Variants in CNR2 observed in about 807,000 individuals in gnomAD.
CNR2 encodes cannabinoid receptor 2.
For synonymous variants in CNR2, 172 were observed against 182.2 expected (o/e 0.94, Z 0.45); for missense variants, 379 against 439.9 (o/e 0.86, Z 1.24).
rs533493884 is a variant in CNR2 at position 23,902,511 on chromosome 1, T to C, written c.-46+10735A>G. On this transcript the variant is annotated intron_variant, in intron 1 of 1. Transcript: ENST00000374472. Reference sequence around the variant, plus strand: ...ATCGATCTCATCACTGTACACGTACTTTAATAGGATCAGAAAGGCTGCGGG... The same window carrying C: ...ATCGATCTCATCACTGTACACGTACCTTAATAGGATCAGAAAGGCTGCGGG... 1.9e-6 allele frequency: 3 copies of C among 1,608,460 alleles called. No individual in the cohort carries two copies. In the South Asian group the frequency reaches 3.3e-5, roughly 18 times the overall value.
rs1431136764 is a variant in CNR2 at position 23,872,710 on chromosome 1, G to T, written c.*1825C>A. Reference sequence around the variant, plus strand: ...TTCTTATTAGGTTGTTGGGAAACATGAAGTGAAATAAGGCATTTAAAAACA... The same window carrying T: ...TTCTTATTAGGTTGTTGGGAAACATTAAGTGAAATAAGGCATTTAAAAACA... On this transcript the variant is annotated 3_prime_UTR_variant, in exon 2 of 2. Transcript: ENST00000374472. The T allele has an allele frequency of 6.6e-6, 1 of 152,170 alleles. No homozygotes were observed. The highest frequency in any genetic ancestry group is 1.5e-5 in the Non-Finnish European group (1 of 68,036). 9.4% of individuals were successfully genotyped at this position (152,170 alleles called of 1,614,324 possible).
At chr1:23,883,551 G>A (rs765478835) in intron 1 of CNR2, among the ~76,000 whole-genome samples, 3 of 152,214 alleles carry the variant, frequency 2.0e-5, no homozygotes, top group Non-Finnish European at 4.4e-5. Context: ...TAGGCCGGGC[G>A]TGGTAGCTCA....
At chr1:23,894,531 A>G (rs1032285644) in intron 1 of CNR2, among the ~76,000 whole-genome samples, 13 of 150,998 alleles carry the variant, frequency 8.6e-5, no homozygotes, top group South Asian at 2.1e-4. Flanking sequence ...GGCCAGGCAC[A>G]GTGGCTCACA....
At chr1:23,899,691 G>A (rs1285186543) in intron 1 of CNR2, among the ~76,000 whole-genome samples, 3 of 148,468 alleles carry the variant, frequency 2.0e-5, no homozygotes, top group Non-Finnish European at 4.4e-5. Context: ...GGTGCATGCT[G>A]TAATACCAGC....
chr1:23,903,177 C>T (rs1254050742), intron 1 of CNR2, among the ~76,000 whole-genome samples: 1 of 152,112 alleles, frequency 6.6e-6, no homozygotes, highest in African/African-American at 2.4e-5. Flanking sequence ...CTAGCGCAGC[C>T]GGGCCAGGCC....
intron 1 of CNR2, among the ~76,000 whole-genome samples, chr1:23,884,067 CT>C (rs1440691471): frequency 9.0e-6 from 1 of 110,668 alleles, no homozygotes; most frequent in Admixed American, 1.0e-4. Context: ...CTATAGACAT[CT>C]TTATGTCTTT....
At chr1:23,905,615 G>C (rs1316001509) in intron 1 of CNR2, among the ~76,000 whole-genome samples, 1 of 152,098 alleles carries the variant, frequency 6.6e-6, no homozygotes, top group African/African-American at 2.4e-5. Flanking sequence ...CTTGACTCAT[G>C]GGGCTGATAA....
chr1:23,890,738 T>A (rs1308870213), intron 1 of CNR2, among the ~76,000 whole-genome samples: 1 of 75,842 alleles, frequency 1.3e-5, no homozygotes, highest in Non-Finnish European at 2.7e-5. Context: ...AGAGTGAGAC[T>A]CTGTCTCAAA....
At chr1:23,891,610 A>C (rs1254263270) in intron 1 of CNR2, among the ~76,000 whole-genome samples, 3 of 91,346 alleles carry the variant, frequency 3.3e-5, no homozygotes, top group African/African-American at 1.3e-4. Flanking sequence ...CAAGAGCAAA[A>C]CTCCATCTCA....
At chr1:23,880,334 T>C in intron 1 of CNR2, among the ~76,000 whole-genome samples, 1 of 151,860 alleles carries the variant, frequency 6.6e-6, no homozygotes, top group East Asian at 1.9e-4. Flanking sequence ...CATACTACCA[T>C]GCCCGGCTAA....
rs1304004181 is a variant in CNR2 at position 23,903,842 on chromosome 1, G to A, written c.-46+9404C>T. Among the ~76,000 whole-genome samples, 4 of 152,274 alleles carry A rather than the reference G, an allele frequency of 2.6e-5. No individual in the cohort carries two copies. In the East Asian group the frequency reaches 7.7e-4, roughly 29 times the overall value. ...ATCTCTGTTTTGCAGACAAGGAGACGGAGGCGCAAAGATGCAGTGACTTGT... is the reference window on the plus strand; with the variant it reads ...ATCTCTGTTTTGCAGACAAGGAGACAGAGGCGCAAAGATGCAGTGACTTGT... On this transcript the variant is annotated intron_variant, in intron 1 of 1. Coordinates refer to ENST00000374472, the MANE Select transcript of CNR2 (RefSeq NM_001841.3).
chr1:23,905,190 C>CTT (rs1199647705), intron 1 of CNR2, among the ~76,000 whole-genome samples: 1,589 of 143,230 alleles, frequency 0.011, 43 homozygotes, highest in African/African-American at 0.038. Context: ...TCTTTTCTTT[C>CTT]TTTTTTTTTT....
chr1:23,900,576 G>A (rs7556638), intron 1 of CNR2, among the ~76,000 whole-genome samples: 147,187 of 150,008 alleles, frequency 0.98, 72,270 homozygotes, highest in South Asian at 1. Flanking sequence ...GTGCAATCTC[G>A]GCTCACTGAA....
At chr1:23,888,270 G>A (rs1640123611) in intron 1 of CNR2, among the ~76,000 whole-genome samples, 1 of 152,188 alleles carries the variant, frequency 6.6e-6, no homozygotes, top group South Asian at 2.1e-4. Context: ...AGTGAAGAGT[G>A]TTCTAGTTCC....
chr1:23,885,468 TTTAAA>T (rs1406039669), intron 1 of CNR2, among the ~76,000 whole-genome samples: 2 of 152,176 alleles, frequency 1.3e-5, no homozygotes, highest in Non-Finnish European at 2.9e-5. Context: ...TTTCTGAGTA[TTTAAA>T]TAAATTACTA....
At chr1:23,902,847 C>A (rs942408842) in intron 1 of CNR2, 3 of 1,225,594 alleles carry the variant, frequency 2.4e-6, no homozygotes, top group Admixed American at 9.0e-5. Flanking sequence ...CTGCCCACGG[C>A]GGCGCCGGCG....
rs528935824 is a variant in CNR2 at position 23,908,410 on chromosome 1, TA to T, written c.-46+4835del. Among the ~76,000 whole-genome samples the T allele has an allele frequency of 1.2e-4, 19 of 152,332 alleles. No homozygotes were observed. The East Asian group carries it at 2.5e-3, about 20-fold the overall frequency. On this transcript the variant is annotated intron_variant, in intron 1 of 1. Transcript: ENST00000374472. ...CCTGGGCTCAAGCGATGCCTGGCTA[TA>T]CCTGCCAGATTTGATTCTTCCACTT...
In CNR2 at chr1:23,902,591, C is replaced by T. The variant is rs1387969851; in HGVS notation, c.-46+10655G>A. On this transcript the variant is annotated intron_variant, in intron 1 of 1. Transcript: ENST00000374472. ...TGACTTCCGCCAGGTCCCAGTAGAA[C>T]ATGGCATAGAAGACGGAGCTGCAGA... 8.7e-6 allele frequency: 14 copies of T among 1,605,946 alleles called. No homozygotes were observed. In the Admixed American group the frequency reaches 2.3e-4, roughly 27 times the overall value.
chr1:23,902,606 G>A (rs1048273817), intron 1 of CNR2: 14 of 1,603,180 alleles, frequency 8.7e-6, no homozygotes, highest in South Asian at 6.6e-5. Context: ...CATAGAAGAC[G>A]GAGCTGCAGA....
Sources: allele counts gnomAD v4.1 joint callset (sites outside exome capture counted in the v4.1 genomes callset), GRCh38; gene constraint gnomAD v4.1.1; transcripts MANE v1.5; gene names NCBI Gene and HGNC (gene_info 2026-07-23, HGNC 2026-07-21).